SESN3: variants seen among roughly 807,000 people sequenced by gnomAD.
SESN3 encodes sestrin-3.
A neutral mutation model predicts 55.3 loss-of-function variants in SESN3; 21 were observed. That is an observed-to-expected ratio of 0.38 (90% confidence interval 0.27 to 0.55). The LOEUF (loss-of-function observed/expected upper bound fraction) is 0.55, where lower values mean the gene tolerates loss of function less well. SESN3 is among the 20% of genes least tolerant of loss of function. SESN3 has a pLI of 0.76. For missense variants in SESN3, 408 were observed against 604.3 expected, an observed-to-expected ratio of 0.68 and a Z score of 3.41; for synonymous variants, 181 against 203.1, an observed-to-expected ratio of 0.89 and a Z score of 0.93.
chr11:95,232,013 C>T (rs1861080139), upstream of SESN3: 1 of 152,226 alleles, frequency 6.6e-6, no homozygotes, highest in African/African-American at 2.4e-5. Context: ...ACTTGTCCAG[C>T]ACTAAAAGGC....
At chr11:95,187,825 A>T (rs950602059) in intron 4 of SESN3, among the ~76,000 whole-genome samples, 1 of 151,794 alleles carries the variant, frequency 6.6e-6, no homozygotes, top group South Asian at 2.1e-4. Flanking sequence ...GTAAGTGGAC[A>T]TCACTTTGTG....
intron 6 of SESN3, among the ~76,000 whole-genome samples, chr11:95,183,464 C>G (rs902600103): frequency 1.3e-5 from 2 of 151,972 alleles, no homozygotes; most frequent in Non-Finnish European, 2.9e-5. Context: ...AAACAATTCT[C>G]AAAATTTATG....
At chr11:95,193,399 G>T in intron 2 of SESN3, 58 bp downstream of exon 2, 1 of 1,005,002 alleles carries the variant, frequency 1.0e-6, no homozygotes, top group Admixed American at 2.0e-5. Context: ...GATATTCTTT[G>T]ATACAGTTAA....
Position 95,166,510 on chromosome 11 carries a change from C to T in SESN3, c.*6745G>A, listed in dbSNP as rs1427760075. On this transcript the variant is annotated 3_prime_UTR_variant, in exon 10 of 10. Transcript: ENST00000536441. ...TCTGATTTCATGTGCAATTCAGCTA[C>T]AGTCTTAATATATACATTCATTATG... 6.6e-6 allele frequency: 1 copy of T among 151,940 alleles called. No homozygotes were observed. The highest frequency in any genetic ancestry group is 2.4e-5 in the African/African-American group (1 of 41,432). The allele number at this position is 151,940 out of a possible 1,614,324, so 9.4% of individuals were successfully genotyped here. A position where few individuals can be genotyped will look rare whatever the true frequency, so the allele number is the denominator to read the frequency against.
At chr11:95,199,329 T>A (rs1033623862) in intron 1 of SESN3, among the ~76,000 whole-genome samples, 4 of 152,066 alleles carry the variant, frequency 2.6e-5, no homozygotes, top group Non-Finnish European at 5.9e-5. Flanking sequence ...AATGTTACCA[T>A]TAGGAAAATT....
At position 95,191,496 on chromosome 11, in the gene SESN3, G is replaced by T; in HGVS notation, c.250C>A (p.Gln84Lys). The stretch of plus-strand genomic sequence containing the variant: ...CTCCGCAAGAAAGACTCCAGGTACT[G>T]AGTGTGTAAACTCATGACCTGTGTG... ...NITQVMSLHT[Q>K]YLESFLRSQF... Residue 84 changes from glutamine to lysine, a missense_variant, in exon 3 of 10, where the codon CAG (glutamine) becomes AAG (lysine). Gln to Lys is a moderately conservative substitution (Grantham distance 53). Coordinates refer to ENST00000536441, the MANE Select transcript of SESN3 (RefSeq NM_144665.4). 1 of 1,613,034 alleles carries T rather than the reference G, an allele frequency of 6.2e-7. No homozygotes were observed. The highest frequency in any genetic ancestry group is 1.1e-5 in the South Asian group (1 of 91,060).
chr11:95,190,849 G>GAC (rs1382031793), intron 3 of SESN3, among the ~76,000 whole-genome samples: 1 of 151,794 alleles, frequency 6.6e-6, no homozygotes, highest in African/African-American at 2.4e-5. Context: ...ATTAAAGTCC[G>GAC]ACACACACAA....
Position 95,184,680 on chromosome 11 carries a change from T to C in SESN3, c.763-86A>G, listed in dbSNP as rs1591051334. On this transcript the variant is annotated intron_variant, in intron 5 of 9. Coordinates refer to ENST00000536441, the MANE Select transcript of SESN3 (RefSeq NM_144665.4). ...TCCATCTCCAAATGTCACCTTACTA[T>C]GTACAGCGGAACAGGCACAGTTATG... 10 of 1,256,220 alleles carry C rather than the reference T, an allele frequency of 8.0e-6. No individual in the cohort carries two copies. In the Admixed American group the frequency reaches 8.1e-5, roughly 10 times the overall value. The allele number at this position is 1,256,220 out of a possible 1,614,324, so 77.8% of individuals were successfully genotyped here. A position where few individuals can be genotyped will look rare whatever the true frequency, so the allele number is the denominator to read the frequency against.
Position 95,193,447 on chromosome 11 carries a change from A to G in SESN3, c.144+10T>C. On this transcript the variant is annotated intron_variant, in intron 2 of 9. Coordinates refer to ENST00000536441, the MANE Select transcript of SESN3 (RefSeq NM_144665.4). ...TCTTACTTTTTATATTTTAAGACAG[A>G]TAAACTTACTTCCTTCTCTGGAATA... 1 of 1,478,968 alleles carries G rather than the reference A, an allele frequency of 6.8e-7. No individual in the cohort carries two copies. The highest frequency in any genetic ancestry group is 9.4e-7 in the Non-Finnish European group (1 of 1,059,692). 91.6% of individuals were successfully genotyped at this position (1,478,968 alleles called of 1,614,324 possible).
chr11:95,189,677 C>T (rs955638233), intron 4 of SESN3, 102 bp downstream of exon 4: 2 of 703,730 alleles, frequency 2.8e-6, no homozygotes, highest in Non-Finnish European at 4.4e-6. Flanking sequence ...CTTTTCTACA[C>T]ATACTAAGAC....
chr11:95,172,261 A>ATAATT lies in SESN3; in HGVS notation c.*989_*993dup, dbSNP rs1283839241. The ATAATT allele has an allele frequency of 2.0e-5, 3 of 152,176 alleles. No homozygotes were observed. The highest frequency in any genetic ancestry group is 7.2e-5 in the African/African-American group (3 of 41,456). The allele number at this position is 152,176 out of a possible 1,614,324, so 9.4% of individuals were successfully genotyped here. On this transcript the variant is annotated 3_prime_UTR_variant, in exon 10 of 10. Transcript: ENST00000536441. ...ATTATAAGAACAAAAGTCATGGAAAATAATTTCTAAAAGCCTAACAGGAAA... is the reference window on the plus strand; with the variant it reads ...ATTATAAGAACAAAAGTCATGGAAAATAATTTAATTTCTAAAAGCCTAACAGGAAA...
At chr11:95,210,185 G>C (rs1483146416) in intron 1 of SESN3, among the ~76,000 whole-genome samples, 1 of 151,222 alleles carries the variant, frequency 6.6e-6, no homozygotes, top group Non-Finnish European at 1.5e-5. Flanking sequence ...CATGGACACA[G>C]GGAGGGGAAT....
intron 1 of SESN3, among the ~76,000 whole-genome samples, chr11:95,217,330 C>G (rs1181389042): frequency 6.6e-6 from 1 of 152,048 alleles, no homozygotes; most frequent in Non-Finnish European, 1.5e-5. Context: ...GACTCCCTGT[C>G]AAATATAATT....
rs1200220835 is a variant in SESN3, at chr11:95,170,009, C to T, written c.*3246G>A. ...CCATAATTAAAGGCCAAGGCTATGC[C>T]CCAGATTCCATGTTAGCCATCTTTT... On this transcript the variant is annotated 3_prime_UTR_variant, in exon 10 of 10. Coordinates refer to ENST00000536441, the MANE Select transcript of SESN3 (RefSeq NM_144665.4). 1.3e-5 allele frequency: 2 copies of T among 152,106 alleles called. No homozygotes were observed. The highest frequency in any genetic ancestry group is 4.8e-5 in the African/African-American group (2 of 41,426). 9.4% of individuals were successfully genotyped at this position (152,106 alleles called of 1,614,324 possible). A position where few individuals can be genotyped will look rare whatever the true frequency, so the allele number is the denominator to read the frequency against.
At chr11:95,193,670 G>C in intron 1 of SESN3, 148 bp from the exon 2 acceptor site, 1 of 582,044 alleles carries the variant, frequency 1.7e-6, no homozygotes. Flanking sequence ...TCAGATCAAA[G>C]AAAACCCATA....
rs147456471 is a variant in SESN3 at position 95,223,170 on chromosome 11, C to T, written c.78+7613G>A. On this transcript the variant is annotated intron_variant, in intron 1 of 9. Transcript: ENST00000536441. Reference sequence around the variant, plus strand: ...ACCACAATCCCCCCAACCCCACCCCCGCAAACCCACCACACACACACAATA... The same window carrying T: ...ACCACAATCCCCCCAACCCCACCCCTGCAAACCCACCACACACACACAATA... 2.2e-4 allele frequency among the ~76,000 whole-genome samples: 34 copies of T among 152,206 alleles called. 2 individuals carry two copies. The East Asian group carries it at 4.8e-3, about 22-fold the overall frequency.
At chr11:95,184,833 T>G (rs1170745507) in intron 5 of SESN3, among the ~76,000 whole-genome samples, 1 of 152,010 alleles carries the variant, frequency 6.6e-6, no homozygotes, top group Non-Finnish European at 1.5e-5. Flanking sequence ...GTGCATAAAA[T>G]CTACAATTCT....
chr11:95,184,686 G>T, intron 5 of SESN3, 92 bp from the exon 6 acceptor site: 1 of 1,151,298 alleles, frequency 8.7e-7, no homozygotes, highest in Non-Finnish European at 1.2e-6. Context: ...ACTATGTACA[G>T]CGGAACAGGC....
intron 1 of SESN3, among the ~76,000 whole-genome samples, chr11:95,197,703 A>G (rs1035345015): frequency 2.0e-5 from 3 of 152,064 alleles, no homozygotes; most frequent in African/African-American, 7.2e-5. Flanking sequence ...GTTCTCTTCT[A>G]TGGCTACCAT....
Sources: allele counts gnomAD v4.1 joint callset (sites outside exome capture counted in the v4.1 genomes callset), GRCh38; gene constraint gnomAD v4.1.1; transcripts MANE v1.5; gene names NCBI Gene and HGNC (gene_info 2026-07-23, HGNC 2026-07-21).